The following CFAP251 variants were observed in gnomAD, a reference collection of about 807,000 sequenced individuals.
CFAP251 encodes cilia- and flagella-associated protein 251.
Under a neutral mutation model 126.7 loss-of-function variants are expected in CFAP251, and 93 were observed. The ratio of observed to expected loss-of-function variants is 0.73; its 90% CI spans 0.62 to 0.87. CFAP251 has a LOEUF of 0.87. Among genes scored for constraint, CFAP251 ranks in the 40% least tolerant of loss-of-function variants. The probability of loss-of-function intolerance (pLI) is 0.00; values close to 1 mark genes in which losing one functional copy is unlikely to be tolerated. For synonymous variants in CFAP251, 503 were observed against 506.9 expected, an observed-to-expected ratio of 0.99 and a Z score of 0.10; for missense variants, 1,287 against 1,389.2, an observed-to-expected ratio of 0.93 and a Z score of 1.17.
chr12:121,942,346 G>A (rs1370359430), intron 5 of CFAP251, among the ~76,000 whole-genome samples, 188 bp from the exon 6 acceptor site: 1 of 152,026 alleles, frequency 6.6e-6, no homozygotes, highest in Non-Finnish European at 1.5e-5. Flanking sequence ...CGCTTCCGAC[G>A]CTCATCCATG....
At position 121,931,857 on chromosome 12, in the gene CFAP251, G is replaced by A. The variant is rs751190343; in HGVS notation, c.859G>A (p.Val287Met). ...VCAHTAIIYN[V>M]FRNNQYHLQG... ...TGCTCACACTGCGATCATCTACAAC[G>A]TGTTCAGGAACAATCAATACCACCT... Residue 287 changes from valine to methionine, a missense_variant, in exon 4 of 22, where the codon GTG (valine) becomes ATG (methionine). Physicochemically the swap from Val to Met is conservative, Grantham distance 21. Transcript: ENST00000288912. The A allele has an allele frequency of 4.4e-6, 7 of 1,593,616 alleles. No homozygotes were observed. Among genetic ancestry groups the A allele is most frequent in the South Asian group, 2.3e-5 (2 of 87,252 alleles).
intron 19 of CFAP251, among the ~76,000 whole-genome samples, chr12:121,990,151 T>G (rs1882843839): frequency 2.0e-5 from 3 of 152,218 alleles, no homozygotes. Context: ...ACCTTCAACA[T>G]GAGCTGATTC....
chr12:121,983,156 C>A lies in CFAP251; in HGVS notation c.3006+7471C>A, dbSNP rs187573714. Among the ~76,000 whole-genome samples the A allele has an allele frequency of 1.8e-3, 281 of 152,160 alleles. 2 individuals are homozygous for A. Among genetic ancestry groups the A allele is most frequent in the African/African-American group, 6.7e-3 (277 of 41,522 alleles). On this transcript the variant is annotated intron_variant, in intron 19 of 21. Coordinates refer to ENST00000288912, the MANE Select transcript of CFAP251 (RefSeq NM_144668.6). ...GTGGGAAGGATCGAAGGATCGCTTG[C>A]GCACAGGAGATCAAGACTGTAGTGA... is the stretch of plus-strand genomic sequence containing the variant.
intron 5 of CFAP251, among the ~76,000 whole-genome samples, chr12:121,937,992 A>G (rs993920118): frequency 6.6e-6 from 1 of 152,012 alleles, no homozygotes; most frequent in Non-Finnish European, 1.5e-5. Context: ...ATAGTCTTTC[A>G]TCTGGTTTTT....
intron 17 of CFAP251, among the ~76,000 whole-genome samples, chr12:121,968,510 C>T (rs1383534128): frequency 6.6e-6 from 1 of 151,224 alleles, no homozygotes; most frequent in Non-Finnish European, 1.5e-5. Flanking sequence ...GTAAGAGGAT[C>T]ATTTCAAGTG....
In CFAP251 at chr12:121,921,268, T is replaced by TAA; in HGVS notation, c.-20-18_-20-17insAA. ...GAAGCTGAGGGCCAGCTGGTTATTATGGTCAAAATCTCTCTAGAGGAAACT... is the reference window on the plus strand; with the variant it reads ...GAAGCTGAGGGCCAGCTGGTTATTATAAGGTCAAAATCTCTCTAGAGGAAACT... On this transcript the variant is annotated splice_polypyrimidine_tract_variant and intron_variant, in intron 1 of 21. Coordinates refer to ENST00000288912, the MANE Select transcript of CFAP251 (RefSeq NM_144668.6). 2 of 1,534,950 alleles carry TAA rather than the reference T, an allele frequency of 1.3e-6. No homozygotes were observed. Among genetic ancestry groups the TAA allele is most frequent in the Non-Finnish European group, 1.7e-6 (2 of 1,148,166 alleles).
intron 5 of CFAP251, among the ~76,000 whole-genome samples, chr12:121,939,992 G>A (rs1881045481): frequency 6.6e-6 from 1 of 152,012 alleles, no homozygotes; most frequent in East Asian, 1.9e-4. Flanking sequence ...AATCCTTCAT[G>A]GTACTTAAGT....
intron 3 of CFAP251, 69 bp downstream of exon 3, chr12:121,924,059 A>G: frequency 6.7e-7 from 1 of 1,484,084 alleles, no homozygotes; most frequent in South Asian, 1.4e-5. Context: ...AATTTTATGC[A>G]TGTTGGGGGA....
At chr12:121,964,232 T>C (rs1882046882) in intron 15 of CFAP251, among the ~76,000 whole-genome samples, 1 of 152,132 alleles carries the variant, frequency 6.6e-6, no homozygotes, top group African/African-American at 2.4e-5. Context: ...AATGCCATGT[T>C]TTATGGTAGA....
intron 9 of CFAP251, among the ~76,000 whole-genome samples, chr12:121,951,912 C>T (rs975007060): frequency 7.3e-5 from 11 of 151,486 alleles, no homozygotes; most frequent in African/African-American, 2.2e-4. Context: ...TTAGTAGAGA[C>T]GGGGTTTCAC....
intron 17 of CFAP251, chr12:121,971,983 G>A (rs1056158705): frequency 2.1e-4 from 52 of 249,920 alleles, no homozygotes; most frequent in African/African-American, 1.1e-3. Context: ...CCACTGCCAT[G>A]TGAGACGTGC....
chr12:121,925,840 TTTTA>T (rs1311314669), intron 3 of CFAP251, among the ~76,000 whole-genome samples: 4 of 151,964 alleles, frequency 2.6e-5, no homozygotes, highest in Non-Finnish European at 5.9e-5. Context: ...TTACTTTAGC[TTTTA>T]TTTATTTATT....
chr12:121,983,396 C>T (rs1214899084), intron 19 of CFAP251, among the ~76,000 whole-genome samples: 1 of 69,934 alleles, frequency 1.4e-5, no homozygotes, highest in Non-Finnish European at 3.1e-5. Flanking sequence ...CATAGCTCTC[C>T]AAAAAAAAAA....
chr12:121,980,435 G>T (rs1882593140), intron 19 of CFAP251, among the ~76,000 whole-genome samples: 2 of 150,276 alleles, frequency 1.3e-5, no homozygotes, highest in South Asian at 4.2e-4. Flanking sequence ...TGGAGACAGG[G>T]TCTCACTGTG....
At chr12:121,928,152 A>C (rs1347265694) in intron 3 of CFAP251, among the ~76,000 whole-genome samples, 1 of 152,186 alleles carries the variant, frequency 6.6e-6, no homozygotes, top group Non-Finnish European at 1.5e-5. Flanking sequence ...TTTGTCACTA[A>C]TTTGTTAAAT....
chr12:121,998,958 T>C (rs1883089132), intron 19 of CFAP251: 1 of 150,866 alleles, frequency 6.6e-6, no homozygotes, highest in Non-Finnish European at 1.5e-5. Context: ...TCTTTTTTTC[T>C]GATCTTAGGA....
rs138943666 is a variant in CFAP251 at position 122,001,591 on chromosome 12, C to T, written c.3330C>T (p.Ser1110=). 2.7e-5 allele frequency: 43 copies of T among 1,613,986 alleles called. No homozygotes were observed. The highest frequency in any genetic ancestry group is 2.0e-4 in the African/African-American group (15 of 75,014). Residue 1110 remains serine (S), a synonymous_variant, in exon 21 of 22, where the codon TCC becomes TCT. Coordinates refer to ENST00000288912, the MANE Select transcript of CFAP251 (RefSeq NM_144668.6). ...GGAAATCCGAGCCTGCAACCTGCTC[C>T]GTCAAAGGTACCCCAGCTGGCTTTG... ...EGWKSEPATC[S]VKGSEICLEE...
At chr12:121,922,777 CTTTTCTCTTT>C (rs766131345) in intron 2 of CFAP251, among the ~76,000 whole-genome samples, 14 of 152,138 alleles carry the variant, frequency 9.2e-5, no homozygotes, top group Admixed American at 1.3e-4. Context: ...CTGTTCTTTT[CTTTTCTCTTT>C]TCTTTTCTTT....
intron 13 of CFAP251, among the ~76,000 whole-genome samples, chr12:121,960,334 C>T (rs538173000): frequency 6.6e-6 from 1 of 151,986 alleles, no homozygotes; most frequent in East Asian, 1.9e-4. Flanking sequence ...ATTCTTGTGT[C>T]AGCCTCCCAA....
Sources: allele counts gnomAD v4.1 joint callset (sites outside exome capture counted in the v4.1 genomes callset), GRCh38; gene constraint gnomAD v4.1.1; transcripts MANE v1.5; gene names NCBI Gene and HGNC (gene_info 2026-07-23, HGNC 2026-07-21).